ZNF385D: variants seen among roughly 807,000 people sequenced by gnomAD.
ZNF385D encodes the protein zinc finger protein 385D.
ZNF385D carries 15 observed loss-of-function variants against 35.8 expected under a neutral mutation model. The ratio of observed to expected loss-of-function variants is 0.42; its 90% CI spans 0.28 to 0.64. The LOEUF is 0.64. Ranked by LOEUF, ZNF385D falls within the 30% of genes least tolerant of loss-of-function variation. The pLI is 0.23. For synonymous variants in ZNF385D, 212 were observed against 186.8 expected (o/e 1.13, Z -1.10); for missense variants, 474 against 494.6 (o/e 0.96, Z 0.39).
chr3:21,450,614 G>C (rs1702401424), intron 4 of ZNF385D, among the ~76,000 whole-genome samples: 1 of 152,114 alleles, frequency 6.6e-6, no homozygotes, highest in Admixed American at 6.6e-5. Context: ...GACAACCCTG[G>C]ATAGAACTCA....
chr3:22,183,219 G>C (rs1695401204), intron 2 of ZNF385D, among the ~76,000 whole-genome samples: 1 of 151,924 alleles, frequency 6.6e-6, no homozygotes, highest in Non-Finnish European at 1.5e-5. Flanking sequence ...GACATTTTTT[G>C]TTTTTATTTT....
chr3:21,829,239 A>G (rs2125758263), intron 3 of ZNF385D, among the ~76,000 whole-genome samples: 1 of 152,320 alleles, frequency 6.6e-6, no homozygotes, highest in Admixed American at 6.5e-5. Flanking sequence ...AGGGCAAAGG[A>G]GAGTGAGTAA....
chr3:21,788,297 G>T (rs142913966), intron 3 of ZNF385D, among the ~76,000 whole-genome samples: 1 of 152,162 alleles, frequency 6.6e-6, no homozygotes, highest in African/African-American at 2.4e-5. Flanking sequence ...TGGCCAATGC[G>T]GGGAAACCCC....
intron 1 of ZNF385D, among the ~76,000 whole-genome samples, chr3:21,717,145 C>G (rs1485130318): frequency 6.6e-6 from 1 of 152,094 alleles, no homozygotes; most frequent in Non-Finnish European, 1.5e-5. Context: ...ATTCCTGACA[C>G]ATAGCAAATT....
At chr3:22,280,839 G>A (rs141998946) in intron 2 of ZNF385D, among the ~76,000 whole-genome samples, 7 of 152,046 alleles carry the variant, frequency 4.6e-5, no homozygotes, top group East Asian at 3.9e-4. Context: ...GTATTAATTT[G>A]TAGATTGCTT....
intron 2 of ZNF385D, among the ~76,000 whole-genome samples, chr3:22,173,697 G>C (rs887548129): frequency 6.6e-5 from 10 of 152,102 alleles, no homozygotes; most frequent in African/African-American, 2.4e-4. Flanking sequence ...ACCATCGGAT[G>C]GCTCTTTATC....
intron 3 of ZNF385D, among the ~76,000 whole-genome samples, chr3:21,944,300 C>A (rs188274383): frequency 2.4e-4 from 37 of 152,288 alleles, no homozygotes; most frequent in African/African-American, 8.7e-4. Flanking sequence ...CTCTTGCCTT[C>A]TTGTTTTACC....
chr3:22,328,360 CAT>C (rs1164423504), intron 2 of ZNF385D, among the ~76,000 whole-genome samples: 1 of 151,936 alleles, frequency 6.6e-6, no homozygotes, highest in Non-Finnish European at 1.5e-5. Context: ...AAAAATTTAA[CAT>C]AATTTAATGA....
intron 2 of ZNF385D, among the ~76,000 whole-genome samples, chr3:22,187,970 T>C (rs967427575): frequency 6.6e-6 from 1 of 152,158 alleles, no homozygotes; most frequent in Non-Finnish European, 1.5e-5. Flanking sequence ...GGATGTTGCA[T>C]GTCATTAAGT....
chr3:22,299,075 C>T (rs1481139209), intron 2 of ZNF385D, among the ~76,000 whole-genome samples: 1 of 151,824 alleles, frequency 6.6e-6, no homozygotes, highest in Non-Finnish European at 1.5e-5. Flanking sequence ...CAGGAGAATG[C>T]CAATAATAAA....
At chr3:22,058,551 G>A (rs556237498) in intron 3 of ZNF385D, among the ~76,000 whole-genome samples, 12 of 152,322 alleles carry the variant, frequency 7.9e-5, no homozygotes, top group South Asian at 2.1e-4. Context: ...AGGCAGATGA[G>A]ATCTTGGTAG....
At chr3:21,839,233 T>C (rs549166250) in intron 3 of ZNF385D, among the ~76,000 whole-genome samples, 2 of 152,124 alleles carry the variant, frequency 1.3e-5, no homozygotes, top group South Asian at 4.2e-4. Context: ...TTTAGTATCA[T>C]CACATAATTT....
chr3:22,073,336 A>T (rs1700317050), intron 3 of ZNF385D, among the ~76,000 whole-genome samples: 1 of 151,768 alleles, frequency 6.6e-6, no homozygotes, highest in Non-Finnish European at 1.5e-5. Context: ...CAGTGAAAAA[A>T]AAAAAAAGGA....
At chr3:22,075,342 T>G (rs1432946392) in intron 3 of ZNF385D, among the ~76,000 whole-genome samples, 2 of 151,864 alleles carry the variant, frequency 1.3e-5, no homozygotes, top group African/African-American at 4.8e-5. Flanking sequence ...CAATCACCTC[T>G]CCTCCCTCAT....
intron 2 of ZNF385D, among the ~76,000 whole-genome samples, chr3:22,262,638 G>C (rs537768013): frequency 7.9e-5 from 12 of 151,718 alleles, no homozygotes; most frequent in Admixed American, 6.6e-4. Context: ...TCTCGATTTA[G>C]AGTCTAAATT....
In ZNF385D at chr3:21,665,102, C is replaced by CA. The variant is rs1012599843; in HGVS notation, c.23-75dup. 2.5e-5 allele frequency: 37 copies of CA among 1,475,758 alleles called. No homozygotes were observed. The African/African-American group carries it at 3.0e-4, about 12-fold the overall frequency. 91.4% of individuals were successfully genotyped at this position (1,475,758 alleles called of 1,614,324 possible). On this transcript the variant is annotated intron_variant, in intron 1 of 7. Transcript: ENST00000281523. ...AAAAACACCAAAGTTGCTTTTGAGA[C>CA]AAAAAAGGCCAGCTTTGTGGGTCAC...
chr3:22,139,175 A>C (rs1428136942), intron 3 of ZNF385D, among the ~76,000 whole-genome samples: 3 of 152,074 alleles, frequency 2.0e-5, no homozygotes, highest in African/African-American at 7.2e-5. Flanking sequence ...TGGGACTGTA[A>C]ACTAGTTCAA....
intron 4 of ZNF385D, among the ~76,000 whole-genome samples, chr3:21,449,101 G>A (rs1312134990): frequency 6.6e-6 from 1 of 151,138 alleles, no homozygotes; most frequent in Admixed American, 6.6e-5. Flanking sequence ...AGAAAAAAAT[G>A]ACTTATTGGT....
At chr3:22,296,463 T>C (rs1468474628) in intron 2 of ZNF385D, among the ~76,000 whole-genome samples, 1 of 152,078 alleles carries the variant, frequency 6.6e-6, no homozygotes, top group African/African-American at 2.4e-5. Context: ...CAAGGAAGGG[T>C]ATGTCTAATG....
Sources: gnomAD v4.1 joint callset for allele counts (sites outside exome capture counted in the v4.1 genomes callset) on GRCh38, gnomAD v4.1.1 for gene constraint, MANE v1.5 for transcripts, NCBI Gene and HGNC (gene_info 2026-07-23, HGNC 2026-07-21) for gene names.